Variants in MGAT4C observed in about 807,000 individuals in gnomAD.
MGAT4C encodes alpha-1,3-mannosyl-glycoprotein 4-beta-N-acetylglucosaminyltransferase C.
Under a neutral mutation model 40.1 loss-of-function variants are expected in MGAT4C, and 19 were observed. That is an observed-to-expected ratio of 0.47 (90% CI 0.33 to 0.70). The LOEUF (loss-of-function observed/expected upper bound fraction) is 0.70, where lower values mean the gene tolerates loss of function less well. Among genes scored for constraint, MGAT4C ranks in the 30% least tolerant of loss-of-function variants. The pLI is 0.02. For missense variants in MGAT4C, 491 were observed against 563.2 expected (o/e 0.87, Z 1.30); for synonymous variants, 181 against 187.1 (o/e 0.97, Z 0.27).
At chr12:86,788,170 T>C (rs1593207657) in intron 1 of MGAT4C, among the ~76,000 whole-genome samples, 2 of 151,310 alleles carry the variant, frequency 1.3e-5, no homozygotes, top group African/African-American at 4.8e-5. Flanking sequence ...CATATATATG[T>C]ATTATATAGG....
At chr12:86,075,623 CA>C (rs1869538135) in intron 1 of MGAT4C, among the ~76,000 whole-genome samples, 1 of 152,210 alleles carries the variant, frequency 6.6e-6, no homozygotes, top group African/African-American at 2.4e-5. Flanking sequence ...CCCACCCCTG[CA>C]GCAAACTTTT....
At chr12:86,315,631 G>A (rs56353565) in intron 4 of MGAT4C, among the ~76,000 whole-genome samples, 12,923 of 152,162 alleles carry the variant, frequency 0.085, 765 homozygotes, top group Middle Eastern at 0.23. Context: ...GCATGAACCC[G>A]GGAGGCGGAG....
chr12:86,004,576 T>C (rs940755930), intron 2 of MGAT4C, among the ~76,000 whole-genome samples: 1 of 152,156 alleles, frequency 6.6e-6, no homozygotes, highest in Non-Finnish European at 1.5e-5. Context: ...TTAAGGATTT[T>C]CAGAACTAGA....
At chr12:86,059,852 G>A (rs1313453542) in intron 1 of MGAT4C, among the ~76,000 whole-genome samples, 1 of 152,040 alleles carries the variant, frequency 6.6e-6, no homozygotes, top group Non-Finnish European at 1.5e-5. Context: ...TGTAAGATAA[G>A]TTTTCAACCC....
chr12:86,616,253 A>T (rs1962442161), intron 2 of MGAT4C, among the ~76,000 whole-genome samples: 1 of 152,078 alleles, frequency 6.6e-6, no homozygotes, highest in Non-Finnish European at 1.5e-5. Flanking sequence ...CTGTACTTGC[A>T]ACAATGGCTT....
chr12:86,044,244 T>C (rs1565902102), intron 2 of MGAT4C, among the ~76,000 whole-genome samples: 1 of 152,178 alleles, frequency 6.6e-6, no homozygotes, highest in Non-Finnish European at 1.5e-5. Context: ...GAATCTGTGG[T>C]TCTGGAGGGG....
At chr12:86,221,972 A>G (rs1356455391) in intron 1 of MGAT4C, among the ~76,000 whole-genome samples, 1 of 152,232 alleles carries the variant, frequency 6.6e-6, no homozygotes, top group Non-Finnish European at 1.5e-5. Context: ...ATGATGAACT[A>G]TGTTCATTAG....
chr12:86,707,754 C>T (rs1361039998), intron 2 of MGAT4C, among the ~76,000 whole-genome samples: 1 of 152,016 alleles, frequency 6.6e-6, no homozygotes, highest in Non-Finnish European at 1.5e-5. Flanking sequence ...TGGTCTTAAA[C>T]TCCTGAGCTC....
rs757035363 is a variant in MGAT4C at position 86,549,730 on chromosome 12, T to C, written c.-228-114465A>G. On this transcript the variant is annotated intron_variant, in intron 2 of 7. Coordinates refer to the MGAT4C transcript ENST00000548651. ...CCACAAAATGAACCACGACAACCCA[T>C]AGACAGCTAAGATTTGACTGGAGGG... Among the ~76,000 whole-genome samples the C allele has an allele frequency of 4.2e-4, 64 of 152,018 alleles. 1 individual carries two copies. The highest frequency in any genetic ancestry group is 1.3e-3 in the African/African-American group (55 of 41,374).
At chr12:86,598,261 G>A (rs1961617257) in intron 2 of MGAT4C, among the ~76,000 whole-genome samples, 1 of 151,952 alleles carries the variant, frequency 6.6e-6, no homozygotes, top group African/African-American at 2.4e-5. Flanking sequence ...GATTCACAAT[G>A]TATAATTTAT....
At chr12:86,207,856 A>C (rs1450512303) in intron 1 of MGAT4C, among the ~76,000 whole-genome samples, 2 of 152,230 alleles carry the variant, frequency 1.3e-5, no homozygotes, top group Non-Finnish European at 2.9e-5. Context: ...AAATATTTTA[A>C]AATAATATCT....
chr12:86,153,494 A>G (rs1884547990), intron 1 of MGAT4C, among the ~76,000 whole-genome samples: 1 of 152,176 alleles, frequency 6.6e-6, no homozygotes, highest in African/African-American at 2.4e-5. Flanking sequence ...TAAATAATCA[A>G]ATGGGTCCAT....
At chr12:86,392,077 T>C (rs1464540117) in intron 3 of MGAT4C, among the ~76,000 whole-genome samples, 4 of 152,192 alleles carry the variant, frequency 2.6e-5, no homozygotes, top group Non-Finnish European at 4.4e-5. Context: ...GGTAATTTAA[T>C]TGTTATGATT....
chr12:86,058,380 T>C (rs1042040284), intron 1 of MGAT4C, among the ~76,000 whole-genome samples: 1 of 152,120 alleles, frequency 6.6e-6, no homozygotes, highest in Non-Finnish European at 1.5e-5. Context: ...TCTCATGACT[T>C]CTTTCAGCAA....
chr12:86,767,221 A>G (rs1213538896), intron 1 of MGAT4C, among the ~76,000 whole-genome samples: 1 of 152,244 alleles, frequency 6.6e-6, no homozygotes, highest in East Asian at 1.9e-4. Context: ...CTACCATCAG[A>G]GAATACTACA....
intron 3 of MGAT4C, among the ~76,000 whole-genome samples, chr12:86,393,362 A>G (rs915570481): frequency 3.3e-5 from 5 of 152,184 alleles, no homozygotes; most frequent in Non-Finnish European, 5.9e-5. Flanking sequence ...AAAATGATTT[A>G]TACACCTGAA....
intron 2 of MGAT4C, among the ~76,000 whole-genome samples, chr12:86,661,098 C>T (rs999617000): frequency 6.6e-6 from 1 of 152,052 alleles, no homozygotes; most frequent in Non-Finnish European, 1.5e-5. Flanking sequence ...GGTAAGAAGA[C>T]CTACAGTCTC....
At chr12:86,773,841 T>C (rs1951681063) in intron 1 of MGAT4C, among the ~76,000 whole-genome samples, 1 of 151,864 alleles carries the variant, frequency 6.6e-6, no homozygotes, top group Non-Finnish European at 1.5e-5. Flanking sequence ...AGCTTCCACA[T>C]TGTATAAGTT....
chr12:86,645,965 C>G (rs1963530893), intron 2 of MGAT4C, among the ~76,000 whole-genome samples: 1 of 151,680 alleles, frequency 6.6e-6, no homozygotes, highest in Non-Finnish European at 1.5e-5. Context: ...CAGTATTGTT[C>G]CAATCAGTTT....
Sources: allele counts gnomAD v4.1 joint callset (sites outside exome capture counted in the v4.1 genomes callset), GRCh38; gene constraint gnomAD v4.1.1; transcripts MANE v1.5; gene names NCBI Gene and HGNC (gene_info 2026-07-23, HGNC 2026-07-21).